The following RALA variants were observed in gnomAD, a reference collection of about 807,000 sequenced individuals.
RALA encodes RAS like proto-oncogene A, also known as ras-related protein Ral-A.
RALA carries 5 observed loss-of-function variants against 24.0 expected under a neutral mutation model. The observed-to-expected ratio is 0.21, with a 90% CI of 0.11 to 0.44. The LOEUF is 0.44. Among genes scored for constraint, RALA ranks in the 20% least tolerant of loss-of-function variants. The pLI is 0.99. For synonymous variants in RALA, 77 were observed against 83.8 expected (o/e 0.92, Z 0.44); for missense variants, 95 against 241.2 (o/e 0.39, Z 4.01).
intron 1 of RALA, among the ~76,000 whole-genome samples, chr7:39,674,695 G>T (rs1326689056): frequency 6.6e-6 from 1 of 152,026 alleles, no homozygotes; most frequent in Non-Finnish European, 1.5e-5. Context: ...GATTTTTTTG[G>T]ATTTTGGAAT....
In RALA at chr7:39,623,842, C is replaced by G. The variant is rs552975934; in HGVS notation, c.-38+17C>G. ...GCGGTGCAGGTGAGCGATGCCCGCT[C>G]GGGCCGCCCGGGGAGGGACTGGGGC... On this transcript the variant is annotated intron_variant, in intron 1 of 4. Transcript: ENST00000005257. The surrounding 1 kb of genome is among the most constrained non-coding windows in gnomAD (Gnocchi z 4.9). 6.6e-6 allele frequency: 1 copy of G among 151,924 alleles called. No homozygotes were observed. Among genetic ancestry groups the G allele is most frequent in the South Asian group, 2.1e-4 (1 of 4,810 alleles). 9.4% of individuals were successfully genotyped at this position (151,924 alleles called of 1,614,324 possible).
intron 1 of RALA, among the ~76,000 whole-genome samples, chr7:39,627,408 T>C (rs1029661159): frequency 3.3e-5 from 5 of 152,212 alleles, no homozygotes; most frequent in Admixed American, 6.5e-5. Flanking sequence ...CCTTCACAGC[T>C]AGGGTCCTAT....
At chr7:39,673,614 G>C (rs1479898072) in intron 1 of RALA, among the ~76,000 whole-genome samples, 3 of 151,950 alleles carry the variant, frequency 2.0e-5, no homozygotes, top group Non-Finnish European at 4.4e-5. Flanking sequence ...TTTACCCTTT[G>C]AAATCTCTTA....
At chr7:39,641,051 G>A (rs1437331120) in intron 1 of RALA, among the ~76,000 whole-genome samples, 1 of 152,144 alleles carries the variant, frequency 6.6e-6, no homozygotes, top group Non-Finnish European at 1.5e-5. Flanking sequence ...GAAATGGAGT[G>A]CTTTGGCCAG....
chr7:39,644,806 A>G (rs184771663), intron 1 of RALA, among the ~76,000 whole-genome samples: 2 of 152,308 alleles, frequency 1.3e-5, no homozygotes, highest in Non-Finnish European at 2.9e-5. Flanking sequence ...TTATGCTGCT[A>G]TTTCTTGATT....
At chr7:39,676,920 T>A (rs1792496435) in intron 1 of RALA, among the ~76,000 whole-genome samples, 1 of 152,222 alleles carries the variant, frequency 6.6e-6, no homozygotes, top group Admixed American at 6.5e-5. Flanking sequence ...ATCCATGTCC[T>A]AACTCCTAGA....
intron 1 of RALA, among the ~76,000 whole-genome samples, chr7:39,628,737 A>G (rs1432103923): frequency 6.6e-6 from 1 of 151,626 alleles, no homozygotes; most frequent in Non-Finnish European, 1.5e-5. Flanking sequence ...TTGTATTTTT[A>G]GTAGAGACGG....
intron 1 of RALA, among the ~76,000 whole-genome samples, chr7:39,647,983 T>C (rs1791956901): frequency 6.6e-6 from 1 of 152,250 alleles, no homozygotes; most frequent in African/African-American, 2.4e-5. Context: ...CTTAAGTAAG[T>C]GTCTGTTTCA....
At chr7:39,700,334 A>G (rs1419224259) in intron 4 of RALA, 2 of 152,206 alleles carry the variant, frequency 1.3e-5, no homozygotes, top group Non-Finnish European at 2.9e-5. Context: ...AGGCACTGGA[A>G]ATACCTAAAC....
Position 39,690,892 on chromosome 7 carries a change from A to G in RALA, c.323+302A>G, listed in dbSNP as rs559589131. Among the ~76,000 whole-genome samples the G allele has an allele frequency of 6.8e-4, 104 of 152,296 alleles. 1 individual carries two copies. The highest frequency in any genetic ancestry group is 2.3e-3 in the African/African-American group (97 of 41,566). The stretch of plus-strand genomic sequence containing the variant: ...GTATTTCTCTTTAGTGTAAACTACT[A>G]CTGCCATAACAGTTCATACTTAGAG... On this transcript the variant is annotated intron_variant, in intron 3 of 4. Transcript: ENST00000005257.
intron 1 of RALA, among the ~76,000 whole-genome samples, chr7:39,641,628 C>T (rs1342809002): frequency 6.6e-6 from 1 of 152,086 alleles, no homozygotes; most frequent in African/African-American, 2.4e-5. Flanking sequence ...CTGTCAGTGT[C>T]CATATGTTAT....
intron 4 of RALA, among the ~76,000 whole-genome samples, chr7:39,698,358 A>G (rs1055630983): frequency 1.6e-4 from 24 of 152,178 alleles, no homozygotes; most frequent in African/African-American, 5.5e-4. Context: ...CACAGTAACT[A>G]GGGCTTGGGT....
At chr7:39,666,389 G>A (rs1792287769) in intron 1 of RALA, among the ~76,000 whole-genome samples, 1 of 152,172 alleles carries the variant, frequency 6.6e-6, no homozygotes, top group African/African-American at 2.4e-5. Flanking sequence ...TCAAATGGTA[G>A]GATTAGGCGT....
intron 1 of RALA, among the ~76,000 whole-genome samples, chr7:39,669,112 G>GCATA (rs1341050642): frequency 6.6e-6 from 1 of 152,004 alleles, no homozygotes; most frequent in Non-Finnish European, 1.5e-5. Context: ...GATTCTGTCT[G>GCATA]AATAAATAAA....
chr7:39,635,131 C>T (rs540076083), intron 1 of RALA, among the ~76,000 whole-genome samples: 1 of 152,200 alleles, frequency 6.6e-6, no homozygotes, highest in African/African-American at 2.4e-5. Context: ...AGGCAGATTG[C>T]TTGAGTCCAG....
chr7:39,701,780 A>G (rs993466876), intron 4 of RALA, among the ~76,000 whole-genome samples: 1 of 152,228 alleles, frequency 6.6e-6, no homozygotes, highest in East Asian at 1.9e-4. Flanking sequence ...AAAAAGTGTC[A>G]TAGCCACCAG....
At chr7:39,678,022 A>G (rs1792519172) in intron 1 of RALA, among the ~76,000 whole-genome samples, 1 of 137,710 alleles carries the variant, frequency 7.3e-6, no homozygotes, top group South Asian at 2.3e-4. Flanking sequence ...GAAGGGGAAT[A>G]TCACACTCTG....
intron 1 of RALA, among the ~76,000 whole-genome samples, chr7:39,630,639 T>C (rs1325500582): frequency 6.6e-6 from 1 of 152,202 alleles, no homozygotes; most frequent in Non-Finnish European, 1.5e-5. Flanking sequence ...GGTACTCATA[T>C]AGTTTCATTT....
chr7:39,629,595 G>A (rs180910348), intron 1 of RALA, among the ~76,000 whole-genome samples: 1 of 149,548 alleles, frequency 6.7e-6, no homozygotes, highest in East Asian at 2.0e-4. Flanking sequence ...TTGTATGTGT[G>A]TATGTATTTA....
Sources: gnomAD v4.1 joint callset for allele counts (sites outside exome capture counted in the v4.1 genomes callset) on GRCh38, gnomAD v4.1.1 for gene constraint, Gnocchi (gnomAD v3.1) non-coding constraint, MANE v1.5 for transcripts, NCBI Gene and HGNC (gene_info 2026-07-23, HGNC 2026-07-21) for gene names.